The following MGAM2 variants were observed in gnomAD, a reference collection of about 807,000 sequenced individuals.
MGAM2 encodes the protein probable maltase-glucoamylase 2.
In MGAM2, 98 loss-of-function variants were observed where a neutral mutation model predicts 96.1. The ratio of observed to expected loss-of-function variants is 1.02; its 90% confidence interval spans 0.87 to 1.21. The LOEUF is 1.21. MGAM2 is among the 50% of genes most tolerant of loss of function. The pLI, the probability that MGAM2 is intolerant of heterozygous loss-of-function variation, is 0.00. For missense variants in MGAM2, 2,055 were observed against 1,182.4 expected, an observed-to-expected ratio of 1.74 and a Z score of -10.82; for synonymous variants, 749 against 414.8, an observed-to-expected ratio of 1.81 and a Z score of -9.79.
intron 25 of MGAM2, 70 bp from the exon 26 acceptor site, chr7:142,167,198 C>T (rs528169967): frequency 3.2e-6 from 2 of 618,344 alleles, no homozygotes; most frequent in South Asian, 3.7e-5. Context: ...CTGTGTTAAC[C>T]AACTTCTTCA....
intron 17 of MGAM2, among the ~76,000 whole-genome samples, chr7:142,157,083 T>G (rs1243376200): frequency 6.6e-6 from 1 of 152,132 alleles, no homozygotes; most frequent in Non-Finnish European, 1.5e-5. Flanking sequence ...AAACAAATGT[T>G]GATGGTGGAA....
In MGAM2 at chr7:142,187,837, A is replaced by C. The variant is rs1245929004; in HGVS notation, c.4207+3A>C. The stretch of plus-strand genomic sequence containing the variant: ...AAATAACCCACCCTATATGCCATGT[A>C]TGTAAAATAATTACTTCATCAACTT... On this transcript the variant is annotated splice_donor_region_variant and intron_variant, in intron 36 of 47. Coordinates refer to ENST00000477922, the MANE Select transcript of MGAM2 (RefSeq NM_001293626.2). 4.3e-6 allele frequency: 3 copies of C among 701,380 alleles called. No homozygotes were observed. Among genetic ancestry groups the C allele is most frequent in the Non-Finnish European group, 7.8e-6 (3 of 384,090 alleles). The allele number at this position is 701,380 out of a possible 1,614,324, so 43.4% of individuals were successfully genotyped here.
Position 142,154,663 on chromosome 7 carries a change from T to C in MGAM2, c.1807-66T>C. 1.0e-5 allele frequency: 7 copies of C among 689,458 alleles called. 1 individual carries two copies. The South Asian group carries it at 1.1e-4, about 10-fold the overall frequency. 42.7% of individuals were successfully genotyped at this position (689,458 alleles called of 1,614,324 possible). ...AGAGGTTCTCTTTTCCCTTATCATA[T>C]AAATCTTCACTACATGCTTTCGCCT... On this transcript the variant is annotated intron_variant, in intron 16 of 47. Transcript: ENST00000477922.
At position 142,183,335 on chromosome 7, in the gene MGAM2, A is replaced by T. The variant is rs1378443190; in HGVS notation, c.3886A>T (p.Ile1296Phe). 2 of 703,190 alleles carry T rather than the reference A, an allele frequency of 2.8e-6. No individual in the cohort carries two copies. The highest frequency in any genetic ancestry group is 5.2e-6 in the Non-Finnish European group (2 of 384,976). The allele number at this position is 703,190 out of a possible 1,614,324, so 43.6% of individuals were successfully genotyped here. A position where few individuals can be genotyped will look rare whatever the true frequency, so the allele number is the denominator to read the frequency against. The change falls in exon 33 of 48, where the codon ATC (isoleucine) becomes TTC (phenylalanine). Residue 1296 changes from isoleucine to phenylalanine, a missense_variant. Ile to Phe is a conservative substitution (Grantham distance 21). Transcript: ENST00000477922. ...FIRGQENNVF[I>F]KWPDTNDIVW... The stretch of plus-strand genomic sequence containing the variant: ...TAGAGGACAGGAAAATAACGTGTTC[A>T]TCAAATGGCCTGACACCAATGACAT...
chr7:142,181,701 T>C (rs1200608713), intron 32 of MGAM2, among the ~76,000 whole-genome samples: 2 of 152,214 alleles, frequency 1.3e-5, no homozygotes, highest in African/African-American at 4.8e-5. Flanking sequence ...TGGTCCTCTG[T>C]ACTTGGCAGA....
rs916614044 is a variant in MGAM2, at chr7:142,187,831, C to T, written c.4204C>T (p.Pro1402Ser). Residue 1402 changes from proline to serine, a missense_variant, in exon 36 of 48, where the codon CCA becomes TCA. Transcript: ENST00000477922. The part of the protein sequence containing the change: ...NEMLNNPPYM[P>S]YLESRDKGLS... ...AATGCTAAATAACCCACCCTATATGCCATGTATGTAAAATAATTACTTCAT... is the reference window on the plus strand; with the variant it reads ...AATGCTAAATAACCCACCCTATATGTCATGTATGTAAAATAATTACTTCAT... 3 of 701,970 alleles carry T rather than the reference C, an allele frequency of 4.3e-6. No individual in the cohort carries two copies. In the South Asian group the frequency reaches 4.4e-5, roughly 10 times the overall value. The allele number at this position is 701,970 out of a possible 1,614,324, so 43.5% of individuals were successfully genotyped here.
At chr7:142,190,237 G>A (rs1218398119) in intron 37 of MGAM2, among the ~76,000 whole-genome samples, 1 of 147,104 alleles carries the variant, frequency 6.8e-6, no homozygotes, top group Non-Finnish European at 1.5e-5. Context: ...GAAATATCAA[G>A]CTGTTTTCTA....
At chr7:142,191,197 GAT>G (rs1796857781) in intron 37 of MGAM2, among the ~76,000 whole-genome samples, 1 of 152,080 alleles carries the variant, frequency 6.6e-6, no homozygotes, top group Non-Finnish European at 1.5e-5. Context: ...CTTCTCATGA[GAT>G]ATATAGTTTG....
In MGAM2 at chr7:142,220,316, T is replaced by A; in HGVS notation, c.5805T>A (p.Ala1935=). The change falls in exon 48 of 48, where the codon GCT becomes GCA. Residue 1935 remains alanine, a synonymous_variant. Coordinates refer to ENST00000477922, the MANE Select transcript of MGAM2 (RefSeq NM_001293626.2). ...PTNASTASTN[A]TVPITTTCFA... Reference sequence around the variant, plus strand: ...ATGCTAGTACTGCTAGCACTAATGCTACTGTTCCTATCACAACCACATGTT... The same window carrying A: ...ATGCTAGTACTGCTAGCACTAATGCAACTGTTCCTATCACAACCACATGTT... 2 of 702,736 alleles carry A rather than the reference T, an allele frequency of 2.8e-6. No homozygotes were observed. The highest frequency in any genetic ancestry group is 5.2e-6 in the Non-Finnish European group (2 of 384,918). 43.5% of individuals were successfully genotyped at this position (702,736 alleles called of 1,614,324 possible).
chr7:142,192,005 T>C (rs1354125330), intron 37 of MGAM2, among the ~76,000 whole-genome samples: 2 of 152,214 alleles, frequency 1.3e-5, no homozygotes, highest in East Asian at 3.8e-4. Context: ...TCCAATGTCG[T>C]TGGGAAATTT....
At chr7:142,154,697 C>G (rs1346941655) in intron 16 of MGAM2, 32 bp from the exon 17 acceptor site, 1 of 701,388 alleles carries the variant, frequency 1.4e-6, no homozygotes. Context: ...CTCTCATTGA[C>G]CACAGTGCTT....
At chr7:142,123,893 C>A (rs907786598) in intron 3 of MGAM2, among the ~76,000 whole-genome samples, 11 of 151,276 alleles carry the variant, frequency 7.3e-5, no homozygotes, top group African/African-American at 2.7e-4. Flanking sequence ...ATTGTTTTAT[C>A]CTTCAAATGT....
chr7:142,218,757 TCACTGG>T (rs1176579103), intron 47 of MGAM2, among the ~76,000 whole-genome samples: 2 of 152,184 alleles, frequency 1.3e-5, no homozygotes, highest in Non-Finnish European at 2.9e-5. Context: ...GGGTCAGTGA[TCACTGG>T]CCTGATGAGA....
At position 142,158,258 on chromosome 7, in the gene MGAM2, G is replaced by T. The variant is rs955282972; in HGVS notation, c.2089G>T (p.Asp697Tyr). 2.8e-6 allele frequency: 2 copies of T among 702,794 alleles called. No homozygotes were observed. The highest frequency in any genetic ancestry group is 3.5e-5 in the African/African-American group (2 of 57,220). The allele number at this position is 702,794 out of a possible 1,614,324, so 43.5% of individuals were successfully genotyped here. ...ARPLVHEFYQ[D>Y]SATWDVHEQF... ...CTACCTCTTTACTAGGTTCTACCAG[G>T]ACTCAGCCACGTGGGATGTGCATGA... Residue 697 changes from aspartate to tyrosine, a missense_variant, in exon 19 of 48, where the codon GAC (aspartate) becomes TAC (tyrosine). Asp to Tyr is a radical substitution (Grantham distance 160). Transcript: ENST00000477922.
intron 3 of MGAM2, among the ~76,000 whole-genome samples, chr7:142,121,459 G>C (rs1271772372): frequency 6.6e-6 from 1 of 152,130 alleles, no homozygotes; most frequent in Non-Finnish European, 1.5e-5. Flanking sequence ...TTACAGGTGT[G>C]AGCCACTACG....
intron 32 of MGAM2, among the ~76,000 whole-genome samples, chr7:142,181,971 T>C (rs1276024756): frequency 1.3e-5 from 2 of 152,172 alleles, no homozygotes; most frequent in African/African-American, 4.8e-5. Context: ...ATTGTTGGTC[T>C]GTTGGATGTT....
intron 1 of MGAM2, among the ~76,000 whole-genome samples, chr7:142,115,049 C>T (rs555324502): frequency 1.6e-4 from 24 of 152,156 alleles, no homozygotes; most frequent in Middle Eastern, 3.4e-3. Context: ...AATCCTATCT[C>T]TACTAAAAAT....
At chr7:142,212,503 G>A (rs536537880) in intron 46 of MGAM2, among the ~76,000 whole-genome samples, 2 of 152,314 alleles carry the variant, frequency 1.3e-5, no homozygotes, top group East Asian at 3.9e-4. Flanking sequence ...AAGGGATGGA[G>A]GAAGATTTGC....
chr7:142,164,068 A>G (rs1322603448), intron 23 of MGAM2, among the ~76,000 whole-genome samples: 3 of 152,104 alleles, frequency 2.0e-5, no homozygotes, highest in East Asian at 3.9e-4. Context: ...TTTTTATATA[A>G]TATGTAAGAT....
Sources: allele counts gnomAD v4.1 joint callset (sites outside exome capture counted in the v4.1 genomes callset), GRCh38; gene constraint gnomAD v4.1.1; transcripts MANE v1.5; gene names NCBI Gene and HGNC (gene_info 2026-07-23, HGNC 2026-07-21).